Variants in EPB41L3 observed in about 807,000 individuals in gnomAD.
EPB41L3 encodes erythrocyte membrane protein band 4.1 like 3.
A neutral mutation model predicts 127.1 loss-of-function variants in EPB41L3; 57 were observed. The observed-to-expected ratio is 0.45, with a 90% CI of 0.36 to 0.56. The LOEUF (loss-of-function observed/expected upper bound fraction) is 0.56, where lower values mean the gene tolerates loss of function less well. Ranked by LOEUF, EPB41L3 falls within the 20% of genes least tolerant of loss-of-function variation. The probability of loss-of-function intolerance (pLI) is 0.00; values close to 1 mark genes in which losing one functional copy is unlikely to be tolerated. For missense variants in EPB41L3, 1,273 were observed against 1,372.2 expected (o/e 0.93, Z 1.14); for synonymous variants, 572 against 549.5 (o/e 1.04, Z -0.57).
At chr18:5,487,090 A>T (rs1198959681) in intron 2 of EPB41L3, among the ~76,000 whole-genome samples, 2 of 152,220 alleles carry the variant, frequency 1.3e-5, no homozygotes, top group Non-Finnish European at 2.9e-5. Context: ...GCCCATCAAC[A>T]GAAGAATGAA....
At chr18:5,540,008 T>C (rs141732541) in intron 1 of EPB41L3, among the ~76,000 whole-genome samples, 11 of 152,280 alleles carry the variant, frequency 7.2e-5, no homozygotes, top group African/African-American at 2.4e-4. Flanking sequence ...AATAAGTAAA[T>C]TGCATCTTTA....
At chr18:5,628,779 G>A (rs1236733182) in intron 1 of EPB41L3, 1 of 151,768 alleles carries the variant, frequency 6.6e-6, no homozygotes, top group Non-Finnish European at 1.5e-5. Context: ...GGCGGTCACC[G>A]AGCCCTGCGG....
At chr18:5,414,208 C>A (rs887612914) in intron 13 of EPB41L3, among the ~76,000 whole-genome samples, 2 of 152,168 alleles carry the variant, frequency 1.3e-5, no homozygotes, top group African/African-American at 4.8e-5. Context: ...TCTAGTCCAA[C>A]ACTATTTGAT....
intron 16 of EPB41L3, among the ~76,000 whole-genome samples, chr18:5,403,604 AAAC>A (rs1355294779): frequency 4.0e-5 from 6 of 151,320 alleles, no homozygotes; most frequent in Non-Finnish European, 7.4e-5. Context: ...AAAAAAAAAA[AAAC>A]AACAACAACT....
intron 1 of EPB41L3, among the ~76,000 whole-genome samples, chr18:5,618,795 A>C (rs1259440791): frequency 2.0e-5 from 3 of 152,204 alleles, no homozygotes; most frequent in Admixed American, 2.0e-4. Flanking sequence ...CCACCATCAA[A>C]AAAATAATGT....
chr18:5,396,396 T>C, intron 18 of EPB41L3, 64 bp from the exon 19 acceptor site: 3 of 1,590,952 alleles, frequency 1.9e-6, no homozygotes, highest in Non-Finnish European at 2.6e-6. Context: ...GTTTTCTTCC[T>C]TTTCCTCTCT....
chr18:5,477,220 T>C (rs2087420296), intron 3 of EPB41L3, among the ~76,000 whole-genome samples: 1 of 152,082 alleles, frequency 6.6e-6, no homozygotes, highest in South Asian at 2.1e-4. Context: ...AATGGGAACA[T>C]GGGAAATAGG....
chr18:5,400,372 A>G (rs1299836268), intron 16 of EPB41L3: 2 of 355,774 alleles, frequency 5.6e-6, no homozygotes, highest in African/African-American at 4.3e-5. Flanking sequence ...AATGTTTTCT[A>G]GAAACTTTTC....
intron 2 of EPB41L3, 119 bp downstream of exon 2, chr18:5,488,882 A>G (rs1338982195): frequency 4.5e-6 from 5 of 1,105,904 alleles, no homozygotes; most frequent in Non-Finnish European, 6.2e-6. Context: ...GCCTGGGGCT[A>G]GAAGGGGAAC....
At chr18:5,578,319 A>G (rs2094357459) in intron 3 of EPB41L3, among the ~76,000 whole-genome samples, 2 of 152,188 alleles carry the variant, frequency 1.3e-5, no homozygotes, top group Non-Finnish European at 2.9e-5. Context: ...AGTGATTATA[A>G]CTCTGCATTG....
At chr18:5,524,684 A>C (rs575978276) in intron 1 of EPB41L3, among the ~76,000 whole-genome samples, 4 of 152,346 alleles carry the variant, frequency 2.6e-5, no homozygotes, top group Non-Finnish European at 4.4e-5. Flanking sequence ...GGGCCAAGCA[A>C]GAAGGCCAAA....
At chr18:5,579,335 T>C (rs1050817706) in intron 3 of EPB41L3, among the ~76,000 whole-genome samples, 5 of 152,214 alleles carry the variant, frequency 3.3e-5, no homozygotes, top group South Asian at 2.1e-4. Context: ...ATGAAGGTTA[T>C]CGTCGAAATC....
At chr18:5,456,097 A>G (rs555460834) in intron 3 of EPB41L3, among the ~76,000 whole-genome samples, 17 of 152,336 alleles carry the variant, frequency 1.1e-4, no homozygotes, top group Admixed American at 3.3e-4. Context: ...TGGTCAAATG[A>G]AGAGCTATAT....
At chr18:5,595,344 G>A (rs1216342248) in intron 3 of EPB41L3, among the ~76,000 whole-genome samples, 1 of 152,162 alleles carries the variant, frequency 6.6e-6, no homozygotes, top group Non-Finnish European at 1.5e-5. Flanking sequence ...AGGAGCCACA[G>A]ATTCCACACT....
chr18:5,606,916 GTC>G (rs1323264764), intron 3 of EPB41L3, among the ~76,000 whole-genome samples: 7 of 91,340 alleles, frequency 7.7e-5, no homozygotes, highest in Admixed American at 2.1e-4. Context: ...CTCTCTCTCT[GTC>G]TCTCTCTCTC....
At chr18:5,426,485 T>G (rs2078202940) in intron 9 of EPB41L3, among the ~76,000 whole-genome samples, 1 of 152,220 alleles carries the variant, frequency 6.6e-6, no homozygotes, top group African/African-American at 2.4e-5. Context: ...GCCTCTGCCC[T>G]AGTTTAGGTC....
chr18:5,579,528 A>G (rs983560428), intron 3 of EPB41L3, among the ~76,000 whole-genome samples: 6 of 152,300 alleles, frequency 3.9e-5, no homozygotes, highest in African/African-American at 1.4e-4. Context: ...ATCAACATAA[A>G]TCAGGCCCAA....
intron 3 of EPB41L3, among the ~76,000 whole-genome samples, chr18:5,550,172 G>A (rs931950465): frequency 3.3e-5 from 5 of 152,162 alleles, no homozygotes; most frequent in Admixed American, 2.6e-4. Flanking sequence ...ATTGCCGGCA[G>A]TTTTAGTTAA....
intron 4 of EPB41L3, among the ~76,000 whole-genome samples, chr18:5,444,222 T>C (rs761877389): frequency 5.3e-5 from 8 of 152,250 alleles, no homozygotes; most frequent in Non-Finnish European, 8.8e-5. Context: ...TAAAAATATA[T>C]GTAACTGGAT....
Sources: gnomAD v4.1 joint callset for allele counts (sites outside exome capture counted in the v4.1 genomes callset) on GRCh38, gnomAD v4.1.1 for gene constraint, MANE v1.5 for transcripts, NCBI Gene and HGNC (gene_info 2026-07-23, HGNC 2026-07-21) for gene names.